The following TRAPPC9 variants were observed in gnomAD, a reference collection of about 807,000 sequenced individuals.
The protein encoded by TRAPPC9 is IKK2 binding protein.
Under a neutral mutation model 124.0 loss-of-function variants are expected in TRAPPC9, and 83 were observed. That is an observed-to-expected ratio of 0.67 (90% confidence interval 0.56 to 0.80). The LOEUF is 0.80. Among genes scored for constraint, TRAPPC9 ranks in the 30% least tolerant of loss-of-function variants. TRAPPC9 has a pLI of 0.00. For synonymous variants in TRAPPC9, 638 were observed against 617.5 expected (o/e 1.03, Z -0.49); for missense variants, 1,302 against 1,508.3 (o/e 0.86, Z 2.27).
intron 15 of TRAPPC9, among the ~76,000 whole-genome samples, chr8:140,261,286 C>A (rs911917153): frequency 6.6e-6 from 1 of 152,184 alleles, no homozygotes; most frequent in Non-Finnish European, 1.5e-5. Context: ...CTTAAAATAT[C>A]CTCATGGCAG....
intron 19 of TRAPPC9, among the ~76,000 whole-genome samples, chr8:139,981,635 CAG>C (rs1836904029): frequency 6.6e-6 from 1 of 152,190 alleles, no homozygotes; most frequent in South Asian, 2.1e-4. Flanking sequence ...GAGGAGTAGC[CAG>C]ATAGTTGAGT....
chr8:140,033,031 G>T (rs1840600126), intron 17 of TRAPPC9, among the ~76,000 whole-genome samples: 1 of 152,028 alleles, frequency 6.6e-6, no homozygotes. Flanking sequence ...CCTTTTTCAT[G>T]AATTACACAT....
intron 21 of TRAPPC9, among the ~76,000 whole-genome samples, chr8:139,787,521 C>T (rs77475888): frequency 0.062 from 9,423 of 152,186 alleles, 408 homozygotes; most frequent in East Asian, 0.14. Flanking sequence ...CCTTCTGCCC[C>T]GACCCTGCAG....
At chr8:139,997,303 G>C (rs541939219) in intron 18 of TRAPPC9, among the ~76,000 whole-genome samples, 1 of 151,636 alleles carries the variant, frequency 6.6e-6, no homozygotes, top group Admixed American at 6.6e-5. Context: ...AGAAGACAAT[G>C]CATCCTACCC....
chr8:140,311,047 G>A (rs1159374797), intron 10 of TRAPPC9, among the ~76,000 whole-genome samples: 1 of 152,190 alleles, frequency 6.6e-6, no homozygotes, highest in Non-Finnish European at 1.5e-5. Flanking sequence ...AGCAGTTACA[G>A]AATGTCGCTG....
intron 21 of TRAPPC9, among the ~76,000 whole-genome samples, chr8:139,809,327 G>A (rs1824275928): frequency 6.6e-6 from 1 of 152,244 alleles, no homozygotes; most frequent in Admixed American, 6.5e-5. Flanking sequence ...GGGAATGGGA[G>A]TGAAGCGTCC....
At chr8:139,886,587 T>C (rs111626730) in intron 20 of TRAPPC9, among the ~76,000 whole-genome samples, 54 of 152,344 alleles carry the variant, frequency 3.5e-4, no homozygotes, top group African/African-American at 1.2e-3. Context: ...CTCTTTCCCT[T>C]TTCCTACATA....
Position 140,291,023 on chromosome 8 carries a change from T to C in TRAPPC9, c.1824A>G (p.Pro608=), listed in dbSNP as rs747132296. The change falls in exon 12 of 23, where the codon CCA becomes CCG. Residue 608 remains proline, a synonymous_variant. Transcript: ENST00000438773. ...VCEVQLMVYN[P]MPFELRVENM... ...TTTCAACTCGAAGTTCAAACGGCAT[T>C]GGGTTATATACCATCAGCTGAACTT... 21 of 1,614,136 alleles carry C rather than the reference T, an allele frequency of 1.3e-5. No homozygotes were observed. In the South Asian group the frequency reaches 2.3e-4, roughly 18 times the overall value.
chr8:140,320,563 G>C (rs1390371354), intron 9 of TRAPPC9, among the ~76,000 whole-genome samples: 1 of 152,190 alleles, frequency 6.6e-6, no homozygotes, highest in African/African-American at 2.4e-5. Flanking sequence ...AGACCAAGCA[G>C]GGCCCAGCCA....
chr8:139,744,420 G>A (rs1818758391), intron 21 of TRAPPC9, among the ~76,000 whole-genome samples: 1 of 152,140 alleles, frequency 6.6e-6, no homozygotes, highest in Admixed American at 6.5e-5. Flanking sequence ...CAGGGTGCTG[G>A]AGCCCAAGGA....
intron 16 of TRAPPC9, among the ~76,000 whole-genome samples, chr8:140,240,962 C>A (rs1043805481): frequency 6.6e-6 from 1 of 152,208 alleles, no homozygotes; most frequent in Non-Finnish European, 1.5e-5. Context: ...CCTTCCACAG[C>A]CTACCTGGGC....
At chr8:139,921,893 T>C (rs1271571759) in intron 19 of TRAPPC9, among the ~76,000 whole-genome samples, 1 of 109,486 alleles carries the variant, frequency 9.1e-6, no homozygotes, top group African/African-American at 3.7e-5. Flanking sequence ...TGCCCCCCAC[T>C]GCCACATCTG....
intron 15 of TRAPPC9, among the ~76,000 whole-genome samples, chr8:140,269,410 A>G (rs2064803474): frequency 1.3e-5 from 2 of 152,046 alleles, no homozygotes; most frequent in South Asian, 4.2e-4. Flanking sequence ...GCGTGGTGGC[A>G]GGTGCCTGGA....
chr8:140,072,564 GGAGAAAGGAAGGAGGAGGA>G (rs1843230471), intron 17 of TRAPPC9, among the ~76,000 whole-genome samples: 1 of 35,996 alleles, frequency 2.8e-5, no homozygotes, highest in Non-Finnish European at 6.6e-5. Context: ...AGGAGGAGGA[GGAGAAAGGAAGGAGGAGGA>G]GGAGAAGGGA....
intron 9 of TRAPPC9, among the ~76,000 whole-genome samples, chr8:140,318,412 A>G (rs1197213187): frequency 6.6e-6 from 1 of 152,204 alleles, no homozygotes; most frequent in African/African-American, 2.4e-5. Context: ...TAATATTGAA[A>G]TGTACAGCAC....
intron 21 of TRAPPC9, among the ~76,000 whole-genome samples, chr8:139,856,210 C>T (rs1827789690): frequency 6.6e-6 from 1 of 152,150 alleles, no homozygotes; most frequent in Non-Finnish European, 1.5e-5. Context: ...GAGGAGAGGC[C>T]TGTGGAGTGG....
intron 21 of TRAPPC9, among the ~76,000 whole-genome samples, chr8:139,856,672 T>C (rs1401737655): frequency 2.7e-4 from 41 of 151,784 alleles, no homozygotes; most frequent in African/African-American, 9.7e-4. Flanking sequence ...CTAACTCCCT[T>C]TGTAAATAGG....
intron 21 of TRAPPC9, among the ~76,000 whole-genome samples, chr8:139,792,931 C>G (rs1293460007): frequency 6.6e-6 from 1 of 152,234 alleles, no homozygotes; most frequent in Non-Finnish European, 1.5e-5. Flanking sequence ...AGGGACGGAG[C>G]TGGCAGGTGG....
At chr8:139,988,890 ACTTTCCCTTTTT>A in intron 18 of TRAPPC9, 54 bp from the exon 19 acceptor site, 1 of 1,263,000 alleles carries the variant, frequency 7.9e-7, no homozygotes, top group East Asian at 2.5e-5. Flanking sequence ...AAGAGGAATG[ACTTTCCCTTTTT>A]CTCCTCTCCA....
Sources: gnomAD v4.1 joint callset for allele counts (sites outside exome capture counted in the v4.1 genomes callset) on GRCh38, gnomAD v4.1.1 for gene constraint, MANE v1.5 for transcripts, NCBI Gene and HGNC (gene_info 2026-07-23, HGNC 2026-07-21) for gene names.